FRAS1: variants seen among roughly 807,000 people sequenced by gnomAD.
FRAS1 encodes extracellular matrix organizing protein FRAS1.
FRAS1 carries 290 observed loss-of-function variants against 435.2 expected under a neutral mutation model. That is an observed-to-expected ratio of 0.67 (90% CI 0.61 to 0.73). FRAS1 has a LOEUF of 0.73. FRAS1 is among the 30% of genes least tolerant of loss of function. The pLI is 0.00. For missense variants in FRAS1, 4,860 were observed against 5,001.5 expected, an observed-to-expected ratio of 0.97 and a Z score of 0.85; for synonymous variants, 1,800 against 1,851.0, an observed-to-expected ratio of 0.97 and a Z score of 0.71.
chr4:78,495,707 G>A (rs1339439698), intron 59 of FRAS1, among the ~76,000 whole-genome samples: 1 of 152,118 alleles, frequency 6.6e-6, no homozygotes, highest in African/African-American at 2.4e-5. Context: ...CTAGTAGTCT[G>A]TGTTACCCAC....
intron 2 of FRAS1, among the ~76,000 whole-genome samples, chr4:78,083,625 T>TG (rs1268043232): frequency 6.5e-5 from 6 of 92,156 alleles, no homozygotes; most frequent in African/African-American, 2.0e-4. Flanking sequence ...ATGCAAGTTC[T>TG]GTTTTTTTTT....
intron 2 of FRAS1, among the ~76,000 whole-genome samples, chr4:78,113,287 T>G (rs28885740): frequency 0.037 from 5,666 of 152,302 alleles, 131 homozygotes; most frequent in Non-Finnish European, 0.044. Flanking sequence ...GCAACAAACA[T>G]AAGTGTGCAC....
intron 2 of FRAS1, among the ~76,000 whole-genome samples, chr4:78,221,961 A>G (rs186600732): frequency 6.6e-6 from 1 of 152,304 alleles, no homozygotes; most frequent in Non-Finnish European, 1.5e-5. Context: ...TGGAAGTCTC[A>G]GGTTTATCCT....
intron 2 of FRAS1, among the ~76,000 whole-genome samples, chr4:78,232,000 A>G (rs1724536268): frequency 6.6e-6 from 1 of 152,174 alleles, no homozygotes; most frequent in African/African-American, 2.4e-5. Flanking sequence ...TAGATTGGAA[A>G]GGAGGATTTT....
chr4:78,148,416 C>G (rs1177204474), intron 2 of FRAS1, among the ~76,000 whole-genome samples: 1 of 152,120 alleles, frequency 6.6e-6, no homozygotes, highest in African/African-American at 2.4e-5. Flanking sequence ...CTCAACATAA[C>G]ATTACAACAG....
At chr4:78,402,885 G>A (rs926146195) in intron 30 of FRAS1, among the ~76,000 whole-genome samples, 2 of 152,132 alleles carry the variant, frequency 1.3e-5, no homozygotes, top group Non-Finnish European at 2.9e-5. Flanking sequence ...GTTAGTCTGA[G>A]GATGATTTCT....
chr4:78,530,576 A>G (rs1360346561), intron 70 of FRAS1, among the ~76,000 whole-genome samples: 2 of 152,172 alleles, frequency 1.3e-5, no homozygotes, highest in African/African-American at 4.8e-5. Flanking sequence ...AAAAGTGGCT[A>G]GCCAAATGCA....
chr4:78,161,714 C>T (rs1294899483), intron 2 of FRAS1, among the ~76,000 whole-genome samples: 1 of 125,794 alleles, frequency 7.9e-6, no homozygotes, highest in Non-Finnish European at 1.6e-5. Flanking sequence ...TGTGCTCCAG[C>T]CTGGGCAACA....
At chr4:78,451,331 T>C (rs7660612) in intron 45 of FRAS1, among the ~76,000 whole-genome samples, 3,938 of 152,272 alleles carry the variant, frequency 0.026, 172 homozygotes, top group African/African-American at 0.09. Context: ...AACTGGGCAA[T>C]GAAAAGTGAA....
chr4:78,218,098 T>TCTCACACACACACACACACA (rs368430185), intron 2 of FRAS1, among the ~76,000 whole-genome samples: 1 of 39,728 alleles, frequency 2.5e-5, no homozygotes, highest in African/African-American at 9.8e-5. Flanking sequence ...TCACTCTCTC[T>TCTCACACACACACACACACA]CACACACACA....
chr4:78,404,119 A>G (rs952257791), intron 30 of FRAS1, among the ~76,000 whole-genome samples: 1 of 152,202 alleles, frequency 6.6e-6, no homozygotes, highest in Non-Finnish European at 1.5e-5. Flanking sequence ...CATTTGAAGG[A>G]GAATCTGATT....
intron 30 of FRAS1, among the ~76,000 whole-genome samples, 160 bp from the exon 31 acceptor site, chr4:78,407,503 C>A (rs554115718): frequency 1.3e-5 from 2 of 152,126 alleles, no homozygotes; most frequent in Admixed American, 6.5e-5. Context: ...CAATACTGTC[C>A]ATTGAATTAT....
chr4:78,482,652 A>G, intron 58 of FRAS1, 117 bp downstream of exon 58: 1 of 1,096,796 alleles, frequency 9.1e-7, no homozygotes, highest in South Asian at 1.4e-5. Context: ...ATGTGTGTGT[A>G]GATGTGTATA....
intron 20 of FRAS1, among the ~76,000 whole-genome samples, chr4:78,362,684 A>G (rs1387291357): frequency 1.3e-5 from 2 of 152,170 alleles, no homozygotes; most frequent in Non-Finnish European, 2.9e-5. Context: ...TCTGAGAAGA[A>G]TGGGGTTACA....
Position 78,515,872 on chromosome 4 carries a change from T to A in FRAS1, c.10248T>A (p.Phe3416Leu). 6.2e-7 allele frequency: 1 copy of A among 1,614,030 alleles called. No individual in the cohort carries two copies. The highest frequency in any genetic ancestry group is 8.5e-7 in the Non-Finnish European group (1 of 1,179,886). ...LGPGYDRPFQ[F>L]DPSVREPKTI... ...CTGGCTACGATCGCCCCTTCCAGTTTGACCCCAGCGTGCGAGAGCCGAAGA... is the reference window on the plus strand; with the variant it reads ...CTGGCTACGATCGCCCCTTCCAGTTAGACCCCAGCGTGCGAGAGCCGAAGA... The change falls in exon 66 of 74, where the codon TTT becomes TTA. Residue 3416 changes from phenylalanine to leucine, a missense_variant. Physicochemically the swap from Phe to Leu is conservative, Grantham distance 22 (BLOSUM62 0). Coordinates refer to ENST00000512123, the MANE Select transcript of FRAS1 (RefSeq NM_025074.7).
intron 29 of FRAS1, among the ~76,000 whole-genome samples, chr4:78,392,216 C>A (rs781196330): frequency 2.6e-5 from 4 of 152,134 alleles, no homozygotes; most frequent in Non-Finnish European, 4.4e-5. Flanking sequence ...CACCACCCCA[C>A]ATGATTTTTT....
chr4:78,191,534 CTTTT>C (rs35774956), intron 2 of FRAS1, among the ~76,000 whole-genome samples: 1 of 142,820 alleles, frequency 7.0e-6, no homozygotes. Context: ...GTATTATTTT[CTTTT>C]TTTTTTTTTT....
intron 2 of FRAS1, among the ~76,000 whole-genome samples, chr4:78,151,333 T>C (rs2110011726): frequency 6.6e-6 from 1 of 152,234 alleles, no homozygotes; most frequent in Middle Eastern, 3.4e-3. Flanking sequence ...TTCCAAAATG[T>C]TTATTAAGCA....
At chr4:78,421,131 C>G (rs1486039985) in intron 33 of FRAS1, among the ~76,000 whole-genome samples, 1 of 151,410 alleles carries the variant, frequency 6.6e-6, no homozygotes, top group Non-Finnish European at 1.5e-5. Context: ...GTTTTTACAC[C>G]TGCTTTAGTT....
Sources: gnomAD v4.1 joint callset for allele counts (sites outside exome capture counted in the v4.1 genomes callset) on GRCh38, gnomAD v4.1.1 for gene constraint, MANE v1.5 for transcripts, NCBI Gene and HGNC (gene_info 2026-07-23, HGNC 2026-07-21) for gene names.